Variants in CNTNAP3 observed in about 807,000 individuals in gnomAD.
The protein encoded by CNTNAP3 is contactin associated protein family member 3.
Under a neutral mutation model 92.1 loss-of-function variants are expected in CNTNAP3, and 36 were observed. The observed-to-expected ratio is 0.39, with a 90% CI of 0.30 to 0.52. CNTNAP3 has a LOEUF of 0.52. CNTNAP3 is among the 20% of genes least tolerant of loss of function. The pLI is 0.76. For synonymous variants in CNTNAP3, 232 were observed against 422.3 expected (o/e 0.55, Z 5.53); for missense variants, 534 against 1,069.6 (o/e 0.50, Z 6.98).
At chr9:39,137,736 G>A (rs951324525) in intron 12 of CNTNAP3, among the ~76,000 whole-genome samples, 7 of 151,996 alleles carry the variant, frequency 4.6e-5, no homozygotes, top group African/African-American at 7.3e-5. Context: ...GGATGGTCTC[G>A]ATCTCCTGAC....
rs749402212 is a variant in CNTNAP3, at chr9:39,118,168, A to G, written c.2172T>C (p.Cys724=). The part of the protein sequence containing the change: ...GSLPDAQKCT[C]GLEGNCIDSQ... ...AATCAATGCAGTTCCCCTCTAATCC[A>G]CAAGTACACTTTTGAGCATCAGGCA... The change falls in exon 14 of 24, where the codon TGT becomes TGC. Residue 724 remains cysteine (C), a synonymous_variant. Coordinates refer to ENST00000297668, the MANE Select transcript of CNTNAP3 (RefSeq NM_033655.5). 1 of 1,611,448 alleles carries G rather than the reference A, an allele frequency of 6.2e-7. No homozygotes were observed. Among genetic ancestry groups the G allele is most frequent in the Admixed American group, 1.7e-5 (1 of 59,882 alleles).
At chr9:39,137,582 A>G (rs1018536667) in intron 12 of CNTNAP3, among the ~76,000 whole-genome samples, 8 of 151,942 alleles carry the variant, frequency 5.3e-5, no homozygotes, top group Non-Finnish European at 7.4e-5. Flanking sequence ...GCATGATCTC[A>G]GCTCACTGCA....
At chr9:39,129,314 CAG>C (rs1821222362) in intron 13 of CNTNAP3, among the ~76,000 whole-genome samples, 1 of 152,200 alleles carries the variant, frequency 6.6e-6, no homozygotes, top group Admixed American at 6.5e-5. Context: ...AATGCAGAAA[CAG>C]ACCCACCACA....
In CNTNAP3 at chr9:39,067,482, C is replaced by G. The variant is rs1302361051; in HGVS notation, c.*6408G>C. Among the ~76,000 whole-genome samples, 23 of 115,536 alleles carry G rather than the reference C, an allele frequency of 2.0e-4. No homozygotes were observed. In the East Asian group the frequency reaches 4.9e-3, roughly 25 times the overall value. The allele number at this position is 115,536 out of a possible 152,430, so 75.8% of individuals were successfully genotyped here. A position where few individuals can be genotyped will look rare whatever the true frequency, so the allele number is the denominator to read the frequency against. The stretch of plus-strand genomic sequence containing the variant: ...GCGCAATCTCGGCCCACTGCAAACT[C>G]TGCCTCCCGGGTTCATGCCATTCTC... On this transcript the variant is annotated 3_prime_UTR_variant, in exon 24 of 24. Coordinates refer to ENST00000297668, the MANE Select transcript of CNTNAP3 (RefSeq NM_033655.5).
rs1440610708 is a variant in CNTNAP3 at position 39,071,079 on chromosome 9, G to A, written c.*2811C>T. On this transcript the variant is annotated 3_prime_UTR_variant, in exon 24 of 24. Transcript: ENST00000297668. Reference sequence around the variant, plus strand: ...GATTAGCTCTTACAACCTTATCTTTGTCTCATCTATAAAACTGAGGGAGCA... The same window carrying A: ...GATTAGCTCTTACAACCTTATCTTTATCTCATCTATAAAACTGAGGGAGCA... 6.6e-6 allele frequency among the ~76,000 whole-genome samples: 1 copy of A among 152,176 alleles called. No individual in the cohort carries two copies. The highest frequency in any genetic ancestry group is 6.5e-5 in the Admixed American group (1 of 15,274).
In CNTNAP3 at chr9:39,149,678, C is replaced by T; in HGVS notation, c.1649+128G>A. 3.1e-5 allele frequency: 35 copies of T among 1,117,972 alleles called. No individual in the cohort carries two copies. In the South Asian group the frequency reaches 5.6e-4, roughly 18 times the overall value. 69.3% of individuals were successfully genotyped at this position (1,117,972 alleles called of 1,614,324 possible). A position where few individuals can be genotyped will look rare whatever the true frequency, so the allele number is the denominator to read the frequency against. ...TTTCTAATCCTCATAGTAATTATGACTATTTCATTCCCTCTCGAAAGATAA... is the reference window on the plus strand; with the variant it reads ...TTTCTAATCCTCATAGTAATTATGATTATTTCATTCCCTCTCGAAAGATAA... On this transcript the variant is annotated intron_variant, in intron 10 of 23. Transcript: ENST00000297668.
intron 21 of CNTNAP3, among the ~76,000 whole-genome samples, chr9:39,082,917 T>A (rs1825980015): frequency 6.6e-6 from 1 of 152,196 alleles, no homozygotes; most frequent in Admixed American, 6.5e-5. Context: ...CAGGACAGCA[T>A]CCACAAAACA....
At chr9:39,114,082 T>C (rs979197426) in intron 14 of CNTNAP3, among the ~76,000 whole-genome samples, 1 of 114,196 alleles carries the variant, frequency 8.8e-6, no homozygotes, top group Non-Finnish European at 1.9e-5. Flanking sequence ...ACACACATAC[T>C]TTTTTTTTTT....
rs1825570427 is a variant in CNTNAP3, at chr9:39,068,759, A to G, written c.*5131T>C. Reference sequence around the variant, plus strand: ...CTTGCTAGGCTTCCTTAAGCTATCTATCTCCATTGTCACTGCTGTCTCAAA... The same window carrying G: ...CTTGCTAGGCTTCCTTAAGCTATCTGTCTCCATTGTCACTGCTGTCTCAAA... On this transcript the variant is annotated 3_prime_UTR_variant, in exon 24 of 24. Transcript: ENST00000297668. 6.6e-6 allele frequency among the ~76,000 whole-genome samples: 1 copy of G among 152,308 alleles called. No homozygotes were observed. Among genetic ancestry groups the G allele is most frequent in the Admixed American group, 6.5e-5 (1 of 15,294 alleles).
At position 39,066,935 on chromosome 9, in the gene CNTNAP3, ATT is replaced by A. The variant is rs1362587603; in HGVS notation, c.*6953_*6954del. Reference sequence around the variant, plus strand: ...TGCTTATGTATTAATTTTTAAAAATATTTTTTTCTATCCATCCACTCTCTTTT... The same window carrying A: ...TGCTTATGTATTAATTTTTAAAAATATTTTTCTATCCATCCACTCTCTTTT... On this transcript the variant is annotated 3_prime_UTR_variant, in exon 24 of 24. Transcript: ENST00000297668. Among the ~76,000 whole-genome samples the A allele has an allele frequency of 6.6e-6, 1 of 151,960 alleles. No individual in the cohort carries two copies. The highest frequency in any genetic ancestry group is 2.4e-5 in the African/African-American group (1 of 41,360).
intron 23 of CNTNAP3, among the ~76,000 whole-genome samples, chr9:39,074,691 G>T (rs938490437): frequency 7.9e-5 from 12 of 152,188 alleles, no homozygotes; most frequent in African/African-American, 2.9e-4. Context: ...CATCATCATA[G>T]ATCATTACAT....
chr9:39,161,799 T>G (rs1270379051), intron 9 of CNTNAP3, among the ~76,000 whole-genome samples: 1 of 117,750 alleles, frequency 8.5e-6, no homozygotes, highest in East Asian at 2.2e-4. Context: ...TATCGTGTCA[T>G]TGCACTCCAG....
At position 39,078,432 on chromosome 9, in the gene CNTNAP3, C is replaced by A. The variant is rs151264336; in HGVS notation, c.3698G>T (p.Gly1233Val). 1 of 1,612,002 alleles carries A rather than the reference C, an allele frequency of 6.2e-7. No homozygotes were observed. Among genetic ancestry groups the A allele is most frequent in the African/African-American group, 1.3e-5 (1 of 74,890 alleles). The part of the protein sequence containing the change: ...GAGRSGPADE[G>V]EPLVNADRRD... ...TCTGTCTGCATTAACCAAGGGCTCTCCCTCATCCGCTGGTCCAGAACGACC... is the reference window on the plus strand; with the variant it reads ...TCTGTCTGCATTAACCAAGGGCTCTACCTCATCCGCTGGTCCAGAACGACC... Residue 1233 changes from glycine (G) to valine (V), a missense_variant, in exon 23 of 24, where the codon GGA becomes GTA. Physicochemically the swap from Gly to Val is moderately radical, Grantham distance 109. Transcript: ENST00000297668.
chr9:39,130,219 C>T (rs1821245279), intron 13 of CNTNAP3, among the ~76,000 whole-genome samples: 1 of 151,964 alleles, frequency 6.6e-6, no homozygotes, highest in South Asian at 2.1e-4. Flanking sequence ...TTCATAATTG[C>T]CCCAAACTGT....
intron 18 of CNTNAP3, among the ~76,000 whole-genome samples, chr9:39,096,999 GTATA>G (rs1826341678): frequency 1.1e-5 from 1 of 90,132 alleles, no homozygotes; most frequent in Non-Finnish European, 2.4e-5. Context: ...TTTCAATTAC[GTATA>G]TATTGGTGTG....
chr9:39,126,074 A>G (rs915998700), intron 13 of CNTNAP3, among the ~76,000 whole-genome samples: 7 of 152,188 alleles, frequency 4.6e-5, no homozygotes, highest in African/African-American at 1.7e-4. Flanking sequence ...ACAAATGCAC[A>G]ATTCATTAAG....
intron 13 of CNTNAP3, among the ~76,000 whole-genome samples, chr9:39,127,420 AAAGAG>A (rs1167886666): frequency 6.6e-6 from 1 of 152,090 alleles, no homozygotes; most frequent in African/African-American, 2.4e-5. Flanking sequence ...AGGAGATAAC[AAAGAG>A]AAGAGCAGAT....
chr9:39,078,728 G>T lies in CNTNAP3; in HGVS notation c.3635C>A (p.Pro1212Gln), dbSNP rs1476592566. 2.4e-5 allele frequency: 36 copies of T among 1,509,232 alleles called. No homozygotes were observed. Among genetic ancestry groups the T allele is most frequent in the Non-Finnish European group, 3.2e-5 (36 of 1,136,810 alleles). The allele number at this position is 1,509,232 out of a possible 1,614,324, so 93.5% of individuals were successfully genotyped here. A position where few individuals can be genotyped will look rare whatever the true frequency, so the allele number is the denominator to read the frequency against. Residue 1212 changes from proline to glutamine, a missense_variant, in exon 22 of 24, where the codon CCG becomes CAG. Coordinates refer to ENST00000297668, the MANE Select transcript of CNTNAP3 (RefSeq NM_033655.5). ...GAGTCGGGGAGCCAGTTCCCGCGCC[G>T]GGGAGCCGGACGCCGCCCCCGCTGC... ...RCAAGAASGS[P>Q]ARELAPRLAG... is the part of the protein sequence containing the mutation.
chr9:39,121,735 AG>A (rs1254904743), intron 13 of CNTNAP3, among the ~76,000 whole-genome samples: 1 of 151,870 alleles, frequency 6.6e-6, no homozygotes. Context: ...CTCCAGGAAG[AG>A]CCCCATCAAG....
Sources: gnomAD v4.1 joint callset for allele counts (sites outside exome capture counted in the v4.1 genomes callset) on GRCh38, gnomAD v4.1.1 for gene constraint, MANE v1.5 for transcripts, NCBI Gene and HGNC (gene_info 2026-07-23, HGNC 2026-07-21) for gene names.